The following C12orf42 variants were observed in gnomAD, a reference collection of about 807,000 sequenced individuals.
C12orf42 encodes the protein chromosome 12 open reading frame 42.
Under a neutral mutation model 21.6 loss-of-function variants are expected in C12orf42, and 25 were observed. That is an observed-to-expected ratio of 1.16 (90% CI 0.84 to 1.62). The LOEUF is 1.62. Among genes scored for constraint, C12orf42 ranks in the 40% most tolerant of loss-of-function variants. C12orf42 has a pLI of 0.00. For missense variants in C12orf42, 483 were observed against 459.3 expected, an observed-to-expected ratio of 1.05 and a Z score of -0.47; for synonymous variants, 174 against 175.0, an observed-to-expected ratio of 0.99 and a Z score of 0.05.
rs1451939736 is a variant in C12orf42 at position 103,302,544 on chromosome 12, G to C, written c.647C>G (p.Pro216Arg). ...PKKNSGSAARPSTAIGLCRRS... is the reference protein window; with the variant it reads ...PKKNSGSAARRSTAIGLCRRS... ...CCTGCAGAGGCCGATGGCAGTGGAA[G>C]GTCTGGCGGCAGAACCTGGAAGGCA... The change falls in exon 6 of 6, where the codon CCT (proline) becomes CGT (arginine). Residue 216 changes from proline (P) to arginine (R), a missense_variant. Coordinates refer to ENST00000548883, the MANE Select transcript of C12orf42 (RefSeq NM_198521.5). The C allele has an allele frequency of 1.9e-6, 3 of 1,607,702 alleles. No individual in the cohort carries two copies. The highest frequency in any genetic ancestry group is 1.7e-5 in the Admixed American group (1 of 59,704).
chr12:103,145,935 T>A, the C12orf42 span, among the ~76,000 whole-genome samples: 2 of 148,886 alleles, frequency 1.3e-5, no homozygotes, highest in East Asian at 4.0e-4. Context: ...TTGTGTGAAT[T>A]TTCGTATACA....
At chr12:103,237,912 A>T (rs1034383059) in intron 10 of C12orf42, 1 of 152,236 alleles carries the variant, frequency 6.6e-6, no homozygotes, top group East Asian at 1.9e-4. Context: ...CCTGGATTCA[A>T]GTAAAAGAGA....
chr12:103,539,606 G>A, the C12orf42 span, among the ~76,000 whole-genome samples: 3 of 150,868 alleles, frequency 2.0e-5, no homozygotes, highest in Non-Finnish European at 4.4e-5. Context: ...TTGAGATGGA[G>A]TCTCACTCTG....
intron 5 of C12orf42, 23 bp downstream of exon 5, chr12:103,305,951 A>C (rs1366411120): frequency 6.3e-7 from 1 of 1,574,846 alleles, no homozygotes; most frequent in South Asian, 1.2e-5. Context: ...AAGAAGAGTC[A>C]GTAACCACAA....
chr12:103,223,760 G>A, the C12orf42 span, among the ~76,000 whole-genome samples: 2 of 152,146 alleles, frequency 1.3e-5, no homozygotes, highest in Non-Finnish European at 2.9e-5. Context: ...ATAAAAAGGA[G>A]CATCTATACA....
intron 4 of C12orf42, among the ~76,000 whole-genome samples, chr12:103,339,283 G>A (rs1593501708): frequency 6.6e-6 from 1 of 152,138 alleles, no homozygotes; most frequent in East Asian, 1.9e-4. Flanking sequence ...GAGATGTGTT[G>A]TACAGGTTAT....
At chr12:103,331,726 C>T (rs888155898) in intron 4 of C12orf42, among the ~76,000 whole-genome samples, 2 of 152,070 alleles carry the variant, frequency 1.3e-5, no homozygotes, top group Non-Finnish European at 2.9e-5. Flanking sequence ...TCTGAGACCA[C>T]GCAGCGCGGC....
intron 2 of C12orf42, among the ~76,000 whole-genome samples, chr12:103,418,307 C>T (rs1440632276): frequency 1.3e-5 from 2 of 151,976 alleles, no homozygotes; most frequent in Non-Finnish European, 2.9e-5. Flanking sequence ...GCAGGCATGC[C>T]GTCTTCTAGA....
chr12:103,048,399 T>C, the C12orf42 span, among the ~76,000 whole-genome samples: 4 of 152,124 alleles, frequency 2.6e-5, no homozygotes, highest in African/African-American at 9.7e-5. Flanking sequence ...ATAAAAGATT[T>C]AGCCTACATG....
chr12:103,365,819 A>G (rs915505671), intron 4 of C12orf42, among the ~76,000 whole-genome samples: 1 of 152,124 alleles, frequency 6.6e-6, no homozygotes, highest in Non-Finnish European at 1.5e-5. Context: ...GCTGAAAGAA[A>G]TTGTAGTTCA....
At chr12:103,507,833 A>G in the C12orf42 span, among the ~76,000 whole-genome samples, 1 of 152,132 alleles carries the variant, frequency 6.6e-6, no homozygotes, top group Non-Finnish European at 1.5e-5. Flanking sequence ...AGGCATTGCA[A>G]GACATAAGCT....
chr12:103,450,962 T>C (rs1337224643), intron 2 of C12orf42, among the ~76,000 whole-genome samples: 1 of 152,150 alleles, frequency 6.6e-6, no homozygotes, highest in African/African-American at 2.4e-5. Context: ...CTGGACCTTT[T>C]ATACATCTGA....
the C12orf42 span, among the ~76,000 whole-genome samples, chr12:103,221,437 T>A: frequency 1.2e-4 from 19 of 152,352 alleles, no homozygotes; most frequent in East Asian, 3.5e-3. Context: ...CAGTCTCAGT[T>A]TTCAAGAGCC....
At chr12:103,557,422 C>A in the C12orf42 span, 16 of 152,308 alleles carry the variant, frequency 1.1e-4, no homozygotes, top group South Asian at 2.1e-4. Context: ...ATATTGTTGT[C>A]CAGGCCACAC....
At chr12:103,448,434 T>A (rs567515094) in intron 2 of C12orf42, among the ~76,000 whole-genome samples, 2 of 151,834 alleles carry the variant, frequency 1.3e-5, no homozygotes, top group Admixed American at 1.3e-4. Flanking sequence ...AAAACAAAGA[T>A]AAATACATGG....
chr12:103,283,993 A>C (rs989605841), intron 4 of C12orf42, among the ~76,000 whole-genome samples: 1 of 152,214 alleles, frequency 6.6e-6, no homozygotes, highest in African/African-American at 2.4e-5. Flanking sequence ...CACTCTGTCA[A>C]CTTCACTTAA....
the C12orf42 span, among the ~76,000 whole-genome samples, chr12:103,532,732 CATG>C: frequency 4.6e-5 from 7 of 152,276 alleles, no homozygotes; most frequent in Middle Eastern, 3.4e-3. Flanking sequence ...GTGTCATTTG[CATG>C]ATATGCTTAT....
the C12orf42 span, among the ~76,000 whole-genome samples, chr12:103,229,519 G>A: frequency 6.6e-6 from 1 of 152,240 alleles, no homozygotes; most frequent in Admixed American, 6.5e-5. Flanking sequence ...GTGTGTACTT[G>A]GGTATACATT....
chr12:103,372,114 C>A (rs759680593), intron 3 of C12orf42, among the ~76,000 whole-genome samples: 1 of 152,070 alleles, frequency 6.6e-6, no homozygotes, highest in Non-Finnish European at 1.5e-5. Flanking sequence ...TATGCACAGC[C>A]GTTTCCTGTC....
Sources: allele counts gnomAD v4.1 joint callset (sites outside exome capture counted in the v4.1 genomes callset), GRCh38; gene constraint gnomAD v4.1.1; transcripts MANE v1.5; gene names NCBI Gene and HGNC (gene_info 2026-07-23, HGNC 2026-07-21).